The following NLGN4Y variants were observed in gnomAD, a reference collection of about 807,000 sequenced individuals.
The protein encoded by NLGN4Y is neuroligin-4, Y-linked.
A neutral mutation model predicts 8.4 loss-of-function variants in NLGN4Y; 4 were observed. The ratio of observed to expected loss-of-function variants is 0.48; its 90% CI spans 0.23 to 1.09. The LOEUF (loss-of-function observed/expected upper bound fraction) is 1.09. Among genes scored for constraint, NLGN4Y ranks in the 50% least tolerant of loss-of-function variants. The pLI, the probability that NLGN4Y is intolerant of heterozygous loss-of-function variation, is 0.19. For missense variants in NLGN4Y, 90 were observed against 192.3 expected (o/e 0.47, Z 3.15); for synonymous variants, 35 against 75.6 (o/e 0.46, Z 2.78).
At chrY:14,544,448 A>G in intron 1 of NLGN4Y, among the ~76,000 whole-genome samples, 5 of 33,299 alleles carry the variant, frequency 1.5e-4, no homozygotes. Context: ...CTTCGTTTAT[A>G]CAATTGATAA....
At chrY:14,578,723 C>G in intron 1 of NLGN4Y, among the ~76,000 whole-genome samples, 1 of 33,084 alleles carries the variant, frequency 3.0e-5, no homozygotes, top group African/African-American at 1.2e-4. Flanking sequence ...TCCATGATGC[C>G]ATCACCTCCC....
At chrY:14,630,375 C>T (rs2080544339) in intron 2 of NLGN4Y, among the ~76,000 whole-genome samples, 1 of 32,935 alleles carries the variant, frequency 3.0e-5, no homozygotes, top group African/African-American at 1.2e-4. Context: ...ACTGATTCTT[C>T]CTTAGCGCTT....
At chrY:14,802,872 G>A (rs2043042162) in intron 4 of NLGN4Y, among the ~76,000 whole-genome samples, 1 of 21,069 alleles carries the variant, frequency 4.7e-5, no homozygotes. Context: ...AAAATATAAT[G>A]TATAATTATA....
intron 1 of NLGN4Y, among the ~76,000 whole-genome samples, chrY:14,595,295 C>T (rs2080390185): frequency 1.5e-4 from 5 of 32,476 alleles, no homozygotes; most frequent in African/African-American, 4.8e-4. Flanking sequence ...TGTTTCCTTC[C>T]GGGCAGGGGA....
intron 4 of NLGN4Y, among the ~76,000 whole-genome samples, chrY:14,748,946 AAAAG>A (rs2081033766): frequency 3.4e-5 from 1 of 29,654 alleles, no homozygotes; most frequent in Non-Finnish European, 7.9e-5. Flanking sequence ...GAAAAAAAGA[AAAAG>A]AAAAGAAACA....
intron 1 of NLGN4Y, among the ~76,000 whole-genome samples, chrY:14,526,089 T>G: frequency 3.0e-5 from 1 of 33,727 alleles, no homozygotes; most frequent in African/African-American, 1.2e-4. Context: ...GAGACCTGAT[T>G]GCTTTCAATG....
intron 4 of NLGN4Y, among the ~76,000 whole-genome samples, chrY:14,748,130 GACATGACAGGA>G (rs2081028706): frequency 6.0e-5 from 2 of 33,506 alleles, no homozygotes; most frequent in East Asian, 1.6e-3. Context: ...AGCTGAAACT[GACATGACAGGA>G]AAAGGCCCAA....
At chrY:14,540,601 C>G in intron 1 of NLGN4Y, among the ~76,000 whole-genome samples, 1 of 33,505 alleles carries the variant, frequency 3.0e-5, no homozygotes. Context: ...GCTGGTGCCC[C>G]TCTGGGACAA....
chrY:14,699,148 G>A, intron 2 of NLGN4Y, among the ~76,000 whole-genome samples: 3 of 32,810 alleles, frequency 9.1e-5, no homozygotes, highest in Non-Finnish European at 2.3e-4. Flanking sequence ...TAAATACTAT[G>A]TTGGGAAGTT....
At chrY:14,803,272 C>T in intron 4 of NLGN4Y, among the ~76,000 whole-genome samples, 1 of 24,671 alleles carries the variant, frequency 4.1e-5, no homozygotes, top group East Asian at 9.7e-4. Flanking sequence ...AGTATATATA[C>T]TTAATATATG....
At chrY:14,737,368 G>A (rs2080994183) in intron 4 of NLGN4Y, among the ~76,000 whole-genome samples, 3 of 33,454 alleles carry the variant, frequency 9.0e-5, no homozygotes, top group Admixed American at 8.2e-4. Context: ...GGCAGATGAT[G>A]TCTTAGAGAT....
At position 14,844,058 on chromosome Y, in the gene NLGN4Y, G is replaced by A; in HGVS notation, c.*2796G>A. 2 of 111,964 alleles carry A rather than the reference G, an allele frequency of 1.8e-5. No homozygotes were observed. The highest frequency in any genetic ancestry group is 2.0e-4 in the African/African-American group (2 of 9,864). 27.9% of individuals were successfully genotyped at this position (111,964 alleles called of 400,897 possible). Reference sequence around the variant, plus strand: ...CCTTTTTCTTTGTAAATGCTACATGGTAGCTCTCACATAGGCTACAAATGG... The same window carrying A: ...CCTTTTTCTTTGTAAATGCTACATGATAGCTCTCACATAGGCTACAAATGG... On this transcript the variant is annotated 3_prime_UTR_variant, in exon 7 of 7. Coordinates refer to ENST00000684976, the MANE Select transcript of NLGN4Y (RefSeq NM_001365588.1).
intron 2 of NLGN4Y, among the ~76,000 whole-genome samples, chrY:14,696,466 G>A (rs2080827943): frequency 3.1e-5 from 1 of 32,414 alleles, no homozygotes; most frequent in Non-Finnish European, 7.6e-5. Context: ...CTACTTTATG[G>A]GGGCTGCCAG....
intron 1 of NLGN4Y, among the ~76,000 whole-genome samples, chrY:14,599,285 C>T (rs2080418631): frequency 3.4e-5 from 1 of 29,822 alleles, no homozygotes; most frequent in Non-Finnish European, 7.8e-5. Context: ...AGGTCCCACA[C>T]AGTAGACGAT....
chrY:14,722,126 CTT>C (rs2080936799), intron 3 of NLGN4Y, among the ~76,000 whole-genome samples: 1 of 33,284 alleles, frequency 3.0e-5, no homozygotes. Context: ...ATTTTTGTCA[CTT>C]GAATATATTA....
chrY:14,634,988 C>T, intron 2 of NLGN4Y, among the ~76,000 whole-genome samples: 2 of 33,724 alleles, frequency 5.9e-5, no homozygotes, highest in African/African-American at 2.3e-4. Flanking sequence ...AGGAGCTCTT[C>T]TGGTGGGTTT....
intron 2 of NLGN4Y, among the ~76,000 whole-genome samples, chrY:14,688,733 A>T (rs1055233919): frequency 3.3e-5 from 1 of 30,515 alleles, no homozygotes; most frequent in Non-Finnish European, 7.8e-5. Context: ...GTAAAAGCAC[A>T]ATTGGAGCAG....
intron 1 of NLGN4Y, among the ~76,000 whole-genome samples, chrY:14,536,248 T>TTG (rs2150462750): frequency 7.3e-5 from 1 of 13,666 alleles, no homozygotes; most frequent in East Asian, 2.1e-3. Flanking sequence ...TTTTTTTTTT[T>TTG]TTTTTTTTTT....
intron 2 of NLGN4Y, among the ~76,000 whole-genome samples, chrY:14,625,311 T>C (rs1603501590): frequency 3.0e-5 from 1 of 33,591 alleles, no homozygotes; most frequent in Non-Finnish European, 7.3e-5. Flanking sequence ...TACAAATTTC[T>C]ATATTTGTAA....
Sources: allele counts gnomAD v4.1 joint callset (sites outside exome capture counted in the v4.1 genomes callset), GRCh38; gene constraint gnomAD v4.1.1; transcripts MANE v1.5; gene names NCBI Gene and HGNC (gene_info 2026-07-23, HGNC 2026-07-21).